MCMBP: variants seen among roughly 807,000 people sequenced by gnomAD.
MCMBP encodes the protein mini-chromosome maintenance complex-binding protein.
A neutral mutation model predicts 81.3 loss-of-function variants in MCMBP; 31 were observed. That is an observed-to-expected ratio of 0.38 (90% CI 0.29 to 0.51). The LOEUF is 0.51. Ranked by LOEUF, MCMBP falls within the 20% of genes least tolerant of loss-of-function variation. The pLI, the probability that MCMBP is intolerant of heterozygous loss-of-function variation, is 0.87. For synonymous variants in MCMBP, 267 were observed against 275.9 expected (o/e 0.97, Z 0.32); for missense variants, 645 against 772.1 (o/e 0.84, Z 1.95).
At chr10:119,848,482 G>A (rs1407041688) in intron 7 of MCMBP, among the ~76,000 whole-genome samples, 1 of 150,658 alleles carries the variant, frequency 6.6e-6, no homozygotes. Context: ...GTGTGGTGGT[G>A]CATGCCTGTA....
chr10:119,862,316 C>A (rs1853288980), intron 1 of MCMBP, among the ~76,000 whole-genome samples: 1 of 152,000 alleles, frequency 6.6e-6, no homozygotes, highest in African/African-American at 2.4e-5. Context: ...CCCCCCCACA[C>A]CACCTCCTCC....
At position 119,859,867 on chromosome 10, in the gene MCMBP, G is replaced by A. The variant is rs1345629987; in HGVS notation, c.76C>T (p.Pro26Ser). ...TCAATTACTTTCTTCTCCCAGTCAGGATTAACTCCATTTTGGGCTGAAAGA... is the reference window on the plus strand; with the variant it reads ...TCAATTACTTTCTTCTCCCAGTCAGAATTAACTCCATTTTGGGCTGAAAGA... ...QGFFAQNGVNPDWEKKVIEYF... is the reference protein window; with the variant it reads ...QGFFAQNGVNSDWEKKVIEYF... The change falls in exon 2 of 16, where the codon CCT becomes TCT. Residue 26 changes from proline to serine, a missense_variant. By Grantham distance (74) the Pro-to-Ser change is moderately conservative. Transcript: ENST00000369077. The A allele has an allele frequency of 3.1e-6, 5 of 1,611,612 alleles. No individual in the cohort carries two copies. The African/African-American group carries it at 5.4e-5, about 17-fold the overall frequency.
intron 14 of MCMBP, among the ~76,000 whole-genome samples, chr10:119,834,536 G>A (rs932726237): frequency 6.6e-6 from 1 of 152,026 alleles, no homozygotes; most frequent in Non-Finnish European, 1.5e-5. Context: ...TTAAAAGAGG[G>A]CTGGGCGAGG....
rs1852409406 is a variant in MCMBP, at chr10:119,840,945, A to C, written c.1140T>G (p.Asp380Glu). The C allele has an allele frequency of 6.2e-7, 1 of 1,601,534 alleles. No homozygotes were observed. Among genetic ancestry groups the C allele is most frequent in the Non-Finnish European group, 8.5e-7 (1 of 1,170,512 alleles). Residue 380 changes from aspartate to glutamate, a missense_variant, in exon 11 of 16, where the codon GAT becomes GAG. Transcript: ENST00000369077. Reference protein sequence around the residue: ...HLISTVYTRRDVLPLGKFTVN... With the variant: ...HLISTVYTRREVLPLGKFTVN... Reference sequence around the variant, plus strand: ...CTGTAAATTTTCCTAGTGGAAGGACATCTCTTCTTGTATATCTAGAAAAGA... The same window carrying C: ...CTGTAAATTTTCCTAGTGGAAGGACCTCTCTTCTTGTATATCTAGAAAAGA...
At chr10:119,836,826 C>T in intron 13 of MCMBP, 70 bp downstream of exon 13, 1 of 782,804 alleles carries the variant, frequency 1.3e-6, no homozygotes, top group Non-Finnish European at 1.8e-6. Flanking sequence ...TAAGCGGTAC[C>T]AAGAAACAGC....
chr10:119,843,551 A>T lies in MCMBP; in HGVS notation c.828-125T>A, dbSNP rs990937618. The T allele has an allele frequency of 3.8e-5, 32 of 850,298 alleles. No homozygotes were observed. In the African/African-American group the frequency reaches 5.3e-4, roughly 14 times the overall value. The allele number at this position is 850,298 out of a possible 1,614,324, so 52.7% of individuals were successfully genotyped here. A position where few individuals can be genotyped will look rare whatever the true frequency, so the allele number is the denominator to read the frequency against. Reference sequence around the variant, plus strand: ...AATATTTCCACCTGTACATCTCCTTAAAGAACAGAAAGTGGCCTCTCATTC... The same window carrying T: ...AATATTTCCACCTGTACATCTCCTTTAAGAACAGAAAGTGGCCTCTCATTC... On this transcript the variant is annotated intron_variant, in intron 8 of 15. Transcript: ENST00000369077.
intron 8 of MCMBP, among the ~76,000 whole-genome samples, chr10:119,845,855 T>C (rs904429147): frequency 3.3e-5 from 5 of 152,178 alleles, no homozygotes; most frequent in African/African-American, 1.2e-4. Flanking sequence ...GGAATCAAAT[T>C]TGTTAGAAAA....
At chr10:119,865,606 C>T (rs61869122) in intron 1 of MCMBP, among the ~76,000 whole-genome samples, 8,314 of 152,166 alleles carry the variant, frequency 0.055, 422 homozygotes, top group South Asian at 0.27. Context: ...GCAATTCCAT[C>T]CCTAGGTATA....
chr10:119,838,752 GAA>G, intron 11 of MCMBP, 52 bp from the exon 12 acceptor site: 1 of 1,477,254 alleles, frequency 6.8e-7, no homozygotes, highest in Non-Finnish European at 9.3e-7. Context: ...CCTGTTTTAA[GAA>G]AATATGTACT....
chr10:119,832,623 G>C (rs939884591), intron 14 of MCMBP, among the ~76,000 whole-genome samples: 1 of 152,096 alleles, frequency 6.6e-6, no homozygotes, highest in African/African-American at 2.4e-5. Context: ...ACCGGAGAGA[G>C]AACAGGGCTA....
chr10:119,859,266 T>A, intron 2 of MCMBP, 85 bp from the exon 3 acceptor site: 1 of 1,184,288 alleles, frequency 8.4e-7, no homozygotes, highest in Non-Finnish European at 1.2e-6. Context: ...ATATCCAGAC[T>A]CAAACTGTTA....
At chr10:119,866,459 C>T (rs1463899365) in intron 1 of MCMBP, among the ~76,000 whole-genome samples, 1 of 152,144 alleles carries the variant, frequency 6.6e-6, no homozygotes. Flanking sequence ...AACTCCGTCT[C>T]TACTAAAAAT....
At chr10:119,847,514 A>G in intron 8 of MCMBP, 99 bp downstream of exon 8, 1 of 602,502 alleles carries the variant, frequency 1.7e-6, no homozygotes. Flanking sequence ...ATCTGGGAGA[A>G]AGGGAAAAGG....
At chr10:119,847,152 T>C (rs1320279798) in intron 8 of MCMBP, among the ~76,000 whole-genome samples, 1 of 151,988 alleles carries the variant, frequency 6.6e-6, no homozygotes, top group Non-Finnish European at 1.5e-5. Context: ...TGAACTGGAA[T>C]CAGAAATACA....
intron 9 of MCMBP, chr10:119,842,902 C>T (rs1004225837): frequency 8.1e-6 from 3 of 372,218 alleles, no homozygotes; most frequent in African/African-American, 4.2e-5. Context: ...TACAGGCACA[C>T]GCCACCACAC....
upstream of MCMBP, chr10:119,873,405 C>T (rs1400896603): frequency 6.6e-6 from 1 of 152,144 alleles, no homozygotes; most frequent in Admixed American, 6.5e-5. Flanking sequence ...CGCGTCAGGC[C>T]CTGTGGCTCA....
chr10:119,869,238 C>T (rs1853579015), intron 1 of MCMBP, among the ~76,000 whole-genome samples: 2 of 151,888 alleles, frequency 1.3e-5, no homozygotes, highest in Non-Finnish European at 1.5e-5. Flanking sequence ...CTGTTCGAGA[C>T]CAGCCTTGCT....
At chr10:119,870,343 A>G (rs1421705604) in intron 1 of MCMBP, among the ~76,000 whole-genome samples, 1 of 152,032 alleles carries the variant, frequency 6.6e-6, no homozygotes, top group African/African-American at 2.4e-5. Context: ...GCTACTCCGG[A>G]GGCTGGGGCA....
upstream of MCMBP, among the ~76,000 whole-genome samples, chr10:119,873,238 CTTTT>C (rs761223607): frequency 1.3e-5 from 2 of 151,988 alleles, no homozygotes; most frequent in African/African-American, 2.4e-5. Flanking sequence ...CTCTTCGTGC[CTTTT>C]TTTTCTTTTT....
Sources: allele counts gnomAD v4.1 joint callset (sites outside exome capture counted in the v4.1 genomes callset), GRCh38; gene constraint gnomAD v4.1.1; transcripts MANE v1.5; gene names NCBI Gene and HGNC (gene_info 2026-07-23, HGNC 2026-07-21).